Variants in PCDH9 observed in about 807,000 individuals in gnomAD.
The protein encoded by PCDH9 is protocadherin 9, also known as protocadherin-9.
A neutral mutation model predicts 70.6 loss-of-function variants in PCDH9; 24 were observed. The observed-to-expected ratio is 0.34, with a 90% CI of 0.25 to 0.48. PCDH9 has a LOEUF of 0.48. Among genes scored for constraint, PCDH9 ranks in the 20% least tolerant of loss-of-function variants. The pLI is 0.99. For missense variants in PCDH9, 1,281 were observed against 1,503.6 expected, an observed-to-expected ratio of 0.85 and a Z score of 2.45; for synonymous variants, 562 against 558.5, an observed-to-expected ratio of 1.01 and a Z score of -0.09.
intron 2 of PCDH9, among the ~76,000 whole-genome samples, chr13:66,937,940 T>C (rs1276692616): frequency 6.6e-6 from 1 of 152,150 alleles, no homozygotes; most frequent in Admixed American, 6.5e-5. Flanking sequence ...ATAAAACTCC[T>C]TTAAGTTTAA....
intron 3 of PCDH9, among the ~76,000 whole-genome samples, chr13:66,746,399 T>TA (rs1157615823): frequency 6.6e-6 from 1 of 152,178 alleles, no homozygotes; most frequent in Non-Finnish European, 1.5e-5. Context: ...CAATCATGAA[T>TA]AAAGATGCCA....
At chr13:66,887,078 C>CAT (rs1367666426) in intron 3 of PCDH9, among the ~76,000 whole-genome samples, 1 of 139,158 alleles carries the variant, frequency 7.2e-6, no homozygotes, top group Non-Finnish European at 1.5e-5. Context: ...CACACACACA[C>CAT]CCTGTATTTC....
At chr13:66,520,267 C>T (rs895804603) in intron 4 of PCDH9, among the ~76,000 whole-genome samples, 2 of 152,158 alleles carry the variant, frequency 1.3e-5, no homozygotes, top group African/African-American at 4.8e-5. Flanking sequence ...AATGTGCATA[C>T]AATGATTTTT....
chr13:67,004,036 G>A (rs1389976167), intron 2 of PCDH9, among the ~76,000 whole-genome samples: 2 of 152,060 alleles, frequency 1.3e-5, no homozygotes, highest in African/African-American at 4.8e-5. Flanking sequence ...GAGAAACTGA[G>A]AAGAGAAAAA....
intron 2 of PCDH9, chr13:66,990,858 T>G (rs1040182595): frequency 1.3e-5 from 2 of 151,878 alleles, no homozygotes; most frequent in Non-Finnish European, 2.9e-5. Context: ...TTGACAAAAA[T>G]GCTCCATGTT....
chr13:66,847,525 C>A (rs1021220705), intron 3 of PCDH9, among the ~76,000 whole-genome samples: 2 of 152,170 alleles, frequency 1.3e-5, no homozygotes, highest in African/African-American at 4.8e-5. Flanking sequence ...TACAGTTCAA[C>A]AATTTCACAA....
intron 4 of PCDH9, among the ~76,000 whole-genome samples, chr13:66,614,507 G>A (rs946591610): frequency 1.3e-5 from 2 of 152,022 alleles, no homozygotes; most frequent in African/African-American, 2.4e-5. Context: ...AATAACTTAT[G>A]GTAATCTGGA....
At chr13:67,162,669 A>T in intron 2 of PCDH9, among the ~76,000 whole-genome samples, 1 of 152,226 alleles carries the variant, frequency 6.6e-6, no homozygotes, top group Admixed American at 6.5e-5. Flanking sequence ...CCGAGTGAGT[A>T]GAGAAGGAAG....
In PCDH9 at chr13:67,151,965, T is replaced by TA. The variant is rs200328837; in HGVS notation, c.3036+73439dup. ...TTGTTACAAGACTATATGAATGAAC[T>TA]AAAAGACTCTTAAGGATACTTTCTC... On this transcript the variant is annotated intron_variant, in intron 2 of 4. Coordinates refer to ENST00000377865, the MANE Select transcript of PCDH9 (RefSeq NM_203487.3). Among the ~76,000 whole-genome samples, 1,245 of 152,208 alleles carry TA rather than the reference T, an allele frequency of 8.2e-3. 23 individuals are homozygous for TA. Among genetic ancestry groups the TA allele is most frequent in the African/African-American group, 0.028 (1,176 of 41,510 alleles).
chr13:67,007,431 G>A (rs996738173), intron 2 of PCDH9, among the ~76,000 whole-genome samples: 2 of 151,798 alleles, frequency 1.3e-5, no homozygotes, highest in African/African-American at 4.8e-5. Context: ...GGTTTCTGAG[G>A]GGTTTTTAAT....
chr13:66,324,726 C>T (rs1955812462), intron 4 of PCDH9, among the ~76,000 whole-genome samples: 1 of 151,876 alleles, frequency 6.6e-6, no homozygotes. Flanking sequence ...AGTTTAGTTT[C>T]CTAAGCAAGC....
At chr13:66,750,689 C>T (rs1395395779) in intron 3 of PCDH9, among the ~76,000 whole-genome samples, 4 of 151,540 alleles carry the variant, frequency 2.6e-5, no homozygotes, top group African/African-American at 9.7e-5. Context: ...TAAATTAACC[C>T]CTTAAACATG....
intron 4 of PCDH9, among the ~76,000 whole-genome samples, chr13:66,598,555 G>A (rs2077129594): frequency 6.6e-6 from 1 of 151,750 alleles, no homozygotes; most frequent in Admixed American, 6.6e-5. Context: ...TATGCAACAA[G>A]TTTAGTTTAA....
chr13:66,933,911 G>A (rs2082859573), intron 2 of PCDH9, among the ~76,000 whole-genome samples: 1 of 148,742 alleles, frequency 6.7e-6, no homozygotes, highest in African/African-American at 2.5e-5. Context: ...AAAAAAAGGG[G>A]GCGGGGGGGC....
At chr13:67,169,655 T>C (rs1225657438) in intron 2 of PCDH9, among the ~76,000 whole-genome samples, 1 of 152,226 alleles carries the variant, frequency 6.6e-6, no homozygotes, top group Non-Finnish European at 1.5e-5. Flanking sequence ...TCAACTCATA[T>C]AGAATCTGAA....
chr13:66,758,455 C>T (rs1372603177), intron 3 of PCDH9, among the ~76,000 whole-genome samples: 1 of 151,848 alleles, frequency 6.6e-6, no homozygotes, highest in African/African-American at 2.4e-5. Flanking sequence ...CATAATTGTG[C>T]ATATTTGTGA....
At chr13:66,348,931 G>C in intron 4 of PCDH9, among the ~76,000 whole-genome samples, 1 of 151,984 alleles carries the variant, frequency 6.6e-6, no homozygotes, top group East Asian at 1.9e-4. Flanking sequence ...CCCTTGTGTC[G>C]TGGGAATTTT....
chr13:66,659,497 A>C (rs1158555876), intron 3 of PCDH9, among the ~76,000 whole-genome samples: 1 of 144,240 alleles, frequency 6.9e-6, no homozygotes, highest in Non-Finnish European at 1.5e-5. Context: ...ATTTGAAACC[A>C]GATACAGTTT....
chr13:66,572,519 C>T (rs1390714483), intron 4 of PCDH9, among the ~76,000 whole-genome samples: 1 of 152,120 alleles, frequency 6.6e-6, no homozygotes, highest in African/African-American at 2.4e-5. Flanking sequence ...CAGGCTCAGC[C>T]ATATTGCTAC....
Sources: allele counts gnomAD v4.1 joint callset (sites outside exome capture counted in the v4.1 genomes callset), GRCh38; gene constraint gnomAD v4.1.1; transcripts MANE v1.5; gene names NCBI Gene and HGNC (gene_info 2026-07-23, HGNC 2026-07-21).